The following KCNT2 variants were observed in gnomAD, a reference collection of about 807,000 sequenced individuals.
The protein encoded by KCNT2 is potassium channel subfamily T member 2.
Under a neutral mutation model 153.8 loss-of-function variants are expected in KCNT2, and 67 were observed. That is an observed-to-expected ratio of 0.44 (90% CI 0.36 to 0.53). KCNT2 has a LOEUF of 0.53. Among genes scored for constraint, KCNT2 ranks in the 20% least tolerant of loss-of-function variants. The pLI is 0.00. For missense variants in KCNT2, 975 were observed against 1,354.8 expected, an observed-to-expected ratio of 0.72 and a Z score of 4.40; for synonymous variants, 500 against 458.8, an observed-to-expected ratio of 1.09 and a Z score of -1.15.
At chr1:196,286,617 TCACACA>T in intron 22 of KCNT2, among the ~76,000 whole-genome samples, 1 of 143,288 alleles carries the variant, frequency 7.0e-6, no homozygotes, top group Non-Finnish European at 1.5e-5. Context: ...CTTCTGTATA[TCACACA>T]CACACACACA....
chr1:196,529,966 C>A (rs1011085599), intron 1 of KCNT2, among the ~76,000 whole-genome samples: 1 of 151,894 alleles, frequency 6.6e-6, no homozygotes, highest in Non-Finnish European at 1.5e-5. Flanking sequence ...TCATGTCTAC[C>A]AAACACACAG....
intron 13 of KCNT2, among the ~76,000 whole-genome samples, chr1:196,391,560 AT>A (rs1670497344): frequency 6.6e-6 from 1 of 151,390 alleles, no homozygotes; most frequent in African/African-American, 2.4e-5. Context: ...ACAAAAGATT[AT>A]TTTAGTTAAT....
At chr1:196,479,060 A>G in intron 5 of KCNT2, 119 bp downstream of exon 5, 1 of 675,678 alleles carries the variant, frequency 1.5e-6, no homozygotes, top group Non-Finnish European at 2.6e-6. Flanking sequence ...GCGGCTCAAA[A>G]CAAAGTGGCT....
intron 1 of KCNT2, among the ~76,000 whole-genome samples, chr1:196,532,253 A>G (rs185109148): frequency 2.0e-5 from 3 of 152,202 alleles, no homozygotes; most frequent in Non-Finnish European, 1.5e-5. Context: ...CTGATTCTGA[A>G]TAGTTCGTAA....
intron 26 of KCNT2, among the ~76,000 whole-genome samples, chr1:196,250,304 C>A (rs770987624): frequency 6.6e-6 from 1 of 152,030 alleles, no homozygotes; most frequent in Non-Finnish European, 1.5e-5. Flanking sequence ...ACCAATGGAA[C>A]AGATTAGAGA....
chr1:196,273,432 C>A, intron 25 of KCNT2: 1 of 1,431,750 alleles, frequency 7.0e-7, no homozygotes, highest in African/African-American at 1.4e-5. Flanking sequence ...TATATTACAC[C>A]ATTTGAGGAA....
At chr1:196,496,294 C>A (rs1680246645) in intron 1 of KCNT2, among the ~76,000 whole-genome samples, 2 of 151,754 alleles carry the variant, frequency 1.3e-5, no homozygotes. Flanking sequence ...ATGGTGAAAC[C>A]CCAGCTCTAC....
At chr1:196,579,889 G>A (rs1429818854) in intron 1 of KCNT2, among the ~76,000 whole-genome samples, 1 of 152,114 alleles carries the variant, frequency 6.6e-6, no homozygotes, top group Non-Finnish European at 1.5e-5. Flanking sequence ...GCTTTCATTG[G>A]CTGGAAGCAA....
At chr1:196,326,137 A>G (rs149662844) in intron 19 of KCNT2, among the ~76,000 whole-genome samples, 1 of 152,278 alleles carries the variant, frequency 6.6e-6, no homozygotes, top group African/African-American at 2.4e-5. Flanking sequence ...TTATATTTGC[A>G]TAAGAATTTT....
Position 196,500,274 on chromosome 1 carries a change from AAGGAAGGGAGGGAGGGAGGGAGGGAGGG to A in KCNT2, c.96-7961_96-7934del, listed in dbSNP as rs1376719852. 7.5e-4 allele frequency among the ~76,000 whole-genome samples: 44 copies of A among 59,028 alleles called. 2 individuals are homozygous for A. Among genetic ancestry groups the A allele is most frequent in the African/African-American group, 2.3e-3 (34 of 14,976 alleles). 38.7% of individuals were successfully genotyped at this position (59,028 alleles called of 152,430 possible). A position where few individuals can be genotyped will look rare whatever the true frequency, so the allele number is the denominator to read the frequency against. On this transcript the variant is annotated intron_variant, in intron 1 of 27. Coordinates refer to ENST00000294725, the MANE Select transcript of KCNT2 (RefSeq NM_198503.5). ...AGAAAAAGGAAGGAAGGAAGGAAGG[AAGGAAGGGAGGGAGGGAGGGAGGGAGGG>A]AGGGAGGGAGGGAGGGAGGGAAAGA...
At chr1:196,245,466 T>G (rs531102862) in intron 26 of KCNT2, among the ~76,000 whole-genome samples, 3 of 152,162 alleles carry the variant, frequency 2.0e-5, no homozygotes, top group Non-Finnish European at 2.9e-5. Context: ...CAGACACTGA[T>G]GAACATCCAG....
At chr1:196,602,709 A>G (rs183600424) in intron 1 of KCNT2, among the ~76,000 whole-genome samples, 82 of 151,718 alleles carry the variant, frequency 5.4e-4, no homozygotes, top group Non-Finnish European at 1.0e-3. Flanking sequence ...AAAAACAATA[A>G]TTATTAAATA....
chr1:196,538,665 A>G (rs1377128407), intron 1 of KCNT2, among the ~76,000 whole-genome samples: 1 of 152,152 alleles, frequency 6.6e-6, no homozygotes, highest in Non-Finnish European at 1.5e-5. Flanking sequence ...TAATGTGTGG[A>G]GTTGTGTGCC....
At chr1:196,247,511 T>C (rs901395332) in intron 26 of KCNT2, among the ~76,000 whole-genome samples, 99 of 152,138 alleles carry the variant, frequency 6.5e-4, no homozygotes, top group African/African-American at 2.3e-3. Context: ...GGGTAATGTA[T>C]AAAGAGAAAT....
rs569646819 is a variant in KCNT2 at position 196,366,385 on chromosome 1, C to T, written c.1403+6755G>A. On this transcript the variant is annotated intron_variant, in intron 14 of 27. Coordinates refer to ENST00000294725, the MANE Select transcript of KCNT2 (RefSeq NM_198503.5). ...TGTTGATCATGCCAGGCTCAAATGC[C>T]TGAACCCACATGATCTGCCTGCCTC... Among the ~76,000 whole-genome samples the T allele has an allele frequency of 2.6e-5, 4 of 152,102 alleles. No individual in the cohort carries two copies. The South Asian group carries it at 8.3e-4, about 32-fold the overall frequency.
intron 25 of KCNT2, among the ~76,000 whole-genome samples, chr1:196,264,642 A>C (rs1657356929): frequency 6.6e-6 from 1 of 151,740 alleles, no homozygotes; most frequent in African/African-American, 2.4e-5. Context: ...TTATTTATTT[A>C]TTTATTTTAA....
At chr1:196,231,287 C>A (rs1166457740) in intron 27 of KCNT2, among the ~76,000 whole-genome samples, 2 of 151,682 alleles carry the variant, frequency 1.3e-5, no homozygotes, top group South Asian at 2.1e-4. Context: ...CACCGGGAAA[C>A]CAAAAAATTC....
intron 18 of KCNT2, among the ~76,000 whole-genome samples, chr1:196,327,259 T>G (rs1663954047): frequency 1.3e-5 from 2 of 151,810 alleles, no homozygotes; most frequent in South Asian, 4.2e-4. Context: ...ATTAGGTAAC[T>G]TCAGGAACAT....
At chr1:196,285,899 T>C in intron 22 of KCNT2, 141 bp from the exon 23 acceptor site, 1 of 597,742 alleles carries the variant, frequency 1.7e-6, no homozygotes, top group Non-Finnish European at 3.0e-6. Flanking sequence ...TCACTGATAA[T>C]CATATTTTTT....
Sources: allele counts gnomAD v4.1 joint callset (sites outside exome capture counted in the v4.1 genomes callset), GRCh38; gene constraint gnomAD v4.1.1; transcripts MANE v1.5; gene names NCBI Gene and HGNC (gene_info 2026-07-23, HGNC 2026-07-21).